SPATA22: variants seen among roughly 807,000 people sequenced by gnomAD.
SPATA22 encodes spermatogenesis-associated protein 22.
A neutral mutation model predicts 47.8 loss-of-function variants in SPATA22; 29 were observed. The observed-to-expected ratio is 0.61, with a 90% CI of 0.45 to 0.83. The LOEUF (loss-of-function observed/expected upper bound fraction) is 0.83. Among genes scored for constraint, SPATA22 ranks in the 40% least tolerant of loss-of-function variants. The pLI is 0.00. For missense variants in SPATA22, 410 were observed against 421.7 expected, an observed-to-expected ratio of 0.97 and a Z score of 0.24; for synonymous variants, 133 against 140.9, an observed-to-expected ratio of 0.94 and a Z score of 0.40.
intron 1 of SPATA22, among the ~76,000 whole-genome samples, chr17:3,487,996 G>T (rs925025701): frequency 6.6e-6 from 1 of 152,132 alleles, no homozygotes; most frequent in African/African-American, 2.4e-5. Flanking sequence ...ATACATATAT[G>T]CAAGAAACCT....
chr17:3,494,966 T>G (rs1271583801), intron 1 of SPATA22, among the ~76,000 whole-genome samples: 1 of 152,180 alleles, frequency 6.6e-6, no homozygotes, highest in Non-Finnish European at 1.5e-5. Context: ...GCTACCTCCC[T>G]GTGACAGAAT....
At chr17:3,466,474 G>A (rs1304264956) in intron 3 of SPATA22, among the ~76,000 whole-genome samples, 2 of 152,112 alleles carry the variant, frequency 1.3e-5, no homozygotes, top group African/African-American at 4.8e-5. Context: ...AAGATGAGCT[G>A]AATCACAAGC....
chr17:3,473,643 C>T (rs2073480643), upstream of SPATA22, among the ~76,000 whole-genome samples: 1 of 152,130 alleles, frequency 6.6e-6, no homozygotes, highest in African/African-American at 2.4e-5. Flanking sequence ...GGATTACAGG[C>T]ACCCGCCACC....
intron 1 of SPATA22, among the ~76,000 whole-genome samples, chr17:3,494,992 G>A (rs1257885744): frequency 1.3e-5 from 2 of 151,944 alleles, no homozygotes; most frequent in Non-Finnish European, 2.9e-5. Context: ...AGAGAAAAAC[G>A]ACTGGAACCT....
At chr17:3,482,914 A>G (rs990008092) in intron 1 of SPATA22, among the ~76,000 whole-genome samples, 1 of 147,976 alleles carries the variant, frequency 6.8e-6, no homozygotes, top group Admixed American at 6.7e-5. Flanking sequence ...AGCATTAGGT[A>G]TATCTCCTAA....
rs746612230 is a variant in SPATA22 at position 3,446,489 on chromosome 17, A to T, written c.785T>A (p.Leu262His). Reference protein sequence around the residue: ...YWREHAQKTVLLFEVLAVLDS... With the variant: ...YWREHAQKTVHLFEVLAVLDS... ...TTACCTACCTAATACTTCAAAAAGA[A>T]GTACAGTTTTCTGTGCATGTTCACG... Residue 262 changes from leucine (L) to histidine (H), a missense_variant, in exon 7 of 9, where the codon CTT (leucine) becomes CAT (histidine). By Grantham distance (99) the Leu-to-His change is moderately conservative (BLOSUM62 -3). Transcript: ENST00000572969. 2 of 1,605,788 alleles carry T rather than the reference A, an allele frequency of 1.2e-6. No individual in the cohort carries two copies. The highest frequency in any genetic ancestry group is 1.7e-6 in the Non-Finnish European group (2 of 1,177,452).
chr17:3,508,730 T>A (rs2074066446), intron 1 of SPATA22, among the ~76,000 whole-genome samples: 1 of 109,308 alleles, frequency 9.1e-6, no homozygotes, highest in South Asian at 3.4e-4. Flanking sequence ...AAGGGGAACA[T>A]CACACTCTGG....
At chr17:3,464,597 A>G (rs1037549566) in intron 3 of SPATA22, among the ~76,000 whole-genome samples, 61 of 119,492 alleles carry the variant, frequency 5.1e-4, no homozygotes, top group African/African-American at 1.9e-3. Flanking sequence ...CGGGCCGCCC[A>G]TCGTCTGAGA....
chr17:3,471,985 G>A (rs957600632), upstream of SPATA22: 19 of 470,356 alleles, frequency 4.0e-5, no homozygotes, highest in Middle Eastern at 1.1e-3. Flanking sequence ...GCTCCTTAGA[G>A]TTTTGCCCAG....
At chr17:3,475,164 T>G (rs369327804), upstream of SPATA22, among the ~76,000 whole-genome samples, 2 of 152,346 alleles carry the variant, frequency 1.3e-5, no homozygotes, top group African/African-American at 2.4e-5. Flanking sequence ...TGACTGAGCA[T>G]GAAATCAAAT....
rs5818898 is a variant in SPATA22, at chr17:3,512,327, A to G, written c.-74+1085T>C. On this transcript the variant is annotated intron_variant, in intron 1 of 8. Coordinates refer to the SPATA22 transcript ENST00000541913. ...GGGCTGCTGTGGATTGTGAAGCCTC[A>G]CACACCCCAGCCCACCTCTCCCCAA... 0.95 allele frequency: 144,449 copies of G among 152,086 alleles called. 69,029 individuals carry two copies. The highest frequency in any genetic ancestry group is 1 in the East Asian group (5,152 of 5,152). 9.4% of individuals were successfully genotyped at this position (152,086 alleles called of 1,614,324 possible). A position where few individuals can be genotyped will look rare whatever the true frequency, so the allele number is the denominator to read the frequency against.
Position 3,443,752 on chromosome 17 carries a change from T to C in SPATA22, c.803-481A>G, listed in dbSNP as rs887013458. Among the ~76,000 whole-genome samples the C allele has an allele frequency of 3.9e-5, 6 of 152,026 alleles. No homozygotes were observed. In the South Asian group the frequency reaches 1.2e-3, roughly 31 times the overall value. ...CTGGGTATTAAATTTATTTTTATTA[T>C]ATACATTTAAGGTATACAACATATT... On this transcript the variant is annotated intron_variant, in intron 7 of 8. Coordinates refer to ENST00000572969, the MANE Select transcript of SPATA22 (RefSeq NM_001170698.2).
At chr17:3,469,470 A>C (rs1328278522) in intron 1 of SPATA22, 72 bp from the exon 2 acceptor site, 1 of 608,400 alleles carries the variant, frequency 1.6e-6, no homozygotes, top group Admixed American at 3.3e-5. Flanking sequence ...GTGATTACTG[A>C]AATTATGGTT....
chr17:3,510,976 T>A (rs1000235126), intron 1 of SPATA22: 1 of 152,354 alleles, frequency 6.6e-6, no homozygotes, highest in South Asian at 2.1e-4. Flanking sequence ...TATCACATAA[T>A]GTCTAGAATA....
rs556157988 is a variant in SPATA22, at chr17:3,508,872, C to T, written c.-74+4540G>A. Among the ~76,000 whole-genome samples the T allele has an allele frequency of 5.6e-5, 7 of 124,606 alleles. 1 individual carries two copies. The highest frequency in any genetic ancestry group is 5.5e-4 in the South Asian group (2 of 3,616). 81.7% of individuals were successfully genotyped at this position (124,606 alleles called of 152,430 possible). A position where few individuals can be genotyped will look rare whatever the true frequency, so the allele number is the denominator to read the frequency against. On this transcript the variant is annotated intron_variant, in intron 1 of 8. Coordinates refer to the SPATA22 transcript ENST00000541913. Reference sequence around the variant, plus strand: ...ATATGTAACTAACCTGCACATCGTACACATGTACCCTAAAGCTTAAAGTAT... The same window carrying T: ...ATATGTAACTAACCTGCACATCGTATACATGTACCCTAAAGCTTAAAGTAT...
At chr17:3,449,672 T>C (rs2072811681) in intron 5 of SPATA22, among the ~76,000 whole-genome samples, 1 of 152,228 alleles carries the variant, frequency 6.6e-6, no homozygotes, top group South Asian at 2.1e-4. Flanking sequence ...TTTGTGGTTT[T>C]ACTGCACAGC....
At chr17:3,459,645 T>G (rs2073082084) in intron 5 of SPATA22, among the ~76,000 whole-genome samples, 1 of 152,288 alleles carries the variant, frequency 6.6e-6, no homozygotes, top group Admixed American at 6.5e-5. Context: ...TGACCTCAAG[T>G]GATCCGCCCG....
chr17:3,475,903 G>A, upstream of SPATA22: 3 of 501,208 alleles, frequency 6.0e-6, no homozygotes, highest in Non-Finnish European at 1.1e-5. Flanking sequence ...AGAAGTTAAA[G>A]TAAACAGCTG....
At chr17:3,447,285 C>T (rs1165236189) in intron 6 of SPATA22, among the ~76,000 whole-genome samples, 2 of 152,000 alleles carry the variant, frequency 1.3e-5, no homozygotes, top group Non-Finnish European at 2.9e-5. Context: ...TTTTGAAGAT[C>T]AACTAAGAAT....
Sources: gnomAD v4.1 joint callset for allele counts (sites outside exome capture counted in the v4.1 genomes callset) on GRCh38, gnomAD v4.1.1 for gene constraint, MANE v1.5 for transcripts, NCBI Gene and HGNC (gene_info 2026-07-23, HGNC 2026-07-21) for gene names.